FAM184B: variants seen among roughly 807,000 people sequenced by gnomAD.
FAM184B encodes protein FAM184B.
FAM184B carries 111 observed loss-of-function variants against 135.9 expected under a neutral mutation model. The observed-to-expected ratio is 0.82, with a 90% CI of 0.70 to 0.96. The LOEUF is 0.96. FAM184B is among the 40% of genes least tolerant of loss of function. FAM184B has a pLI of 0.00. For missense variants in FAM184B, 1,375 were observed against 1,323.9 expected, an observed-to-expected ratio of 1.04 and a Z score of -0.60; for synonymous variants, 552 against 524.8, an observed-to-expected ratio of 1.05 and a Z score of -0.71.
intron 11 of FAM184B, 54 bp downstream of exon 11, chr4:17,652,776 C>T (rs1046429341): frequency 1.3e-6 from 2 of 1,519,028 alleles, no homozygotes; most frequent in African/African-American, 2.8e-5. Context: ...CTGGTTTCTA[C>T]ATGCAGACCC....
chr4:17,780,428 T>C (rs1719011767), intron 1 of FAM184B, among the ~76,000 whole-genome samples: 1 of 151,752 alleles, frequency 6.6e-6, no homozygotes, highest in South Asian at 2.1e-4. Flanking sequence ...CAGAGGGGAG[T>C]CTGTGACAAG....
chr4:17,770,761 C>T (rs567780269), intron 1 of FAM184B, among the ~76,000 whole-genome samples: 105 of 152,124 alleles, frequency 6.9e-4, no homozygotes, highest in Non-Finnish European at 1.3e-3. Flanking sequence ...CCACCGCGCC[C>T]GGCCAGAACT....
chr4:17,740,172 C>T (rs1364421742), intron 1 of FAM184B, among the ~76,000 whole-genome samples: 1 of 151,624 alleles, frequency 6.6e-6, no homozygotes, highest in African/African-American at 2.4e-5. Context: ...GCCAATATAG[C>T]AAAGCCGCGT....
intron 1 of FAM184B, among the ~76,000 whole-genome samples, chr4:17,726,153 T>C (rs1717634587): frequency 6.6e-6 from 1 of 152,078 alleles, no homozygotes; most frequent in Admixed American, 6.6e-5. Context: ...CTTGATCTCC[T>C]GACCTTGTGA....
chr4:17,643,753 C>T (rs28545485), intron 12 of FAM184B, among the ~76,000 whole-genome samples: 79,567 of 152,152 alleles, frequency 0.52, 23,412 homozygotes, highest in East Asian at 0.88. Flanking sequence ...CCATGTCCCC[C>T]GGTCCTTCAG....
At chr4:17,635,483 A>G (rs376725546) in intron 15 of FAM184B, among the ~76,000 whole-genome samples, 1 of 152,140 alleles carries the variant, frequency 6.6e-6, no homozygotes, top group Non-Finnish European at 1.5e-5. Flanking sequence ...TGTGTTGCCT[A>G]ACATATACAA....
chr4:17,695,799 TTAGA>T (rs1267443910), intron 5 of FAM184B, among the ~76,000 whole-genome samples: 3 of 151,958 alleles, frequency 2.0e-5, no homozygotes, highest in Non-Finnish European at 4.4e-5. Flanking sequence ...AGATGTCTAA[TTAGA>T]TAGATAGAGG....
chr4:17,673,116 G>A (rs557699055), intron 7 of FAM184B, among the ~76,000 whole-genome samples: 2 of 152,196 alleles, frequency 1.3e-5, no homozygotes, highest in African/African-American at 4.8e-5. Context: ...AGTGGGCTAA[G>A]GACATGAATA....
intron 1 of FAM184B, among the ~76,000 whole-genome samples, chr4:17,730,749 C>T (rs766793533): frequency 2.6e-4 from 40 of 152,264 alleles, no homozygotes; most frequent in Non-Finnish European, 4.0e-4. Context: ...ATGACTTTGA[C>T]GAGCTGAGAG....
chr4:17,773,053 T>C (rs1718852283), intron 1 of FAM184B, among the ~76,000 whole-genome samples: 1 of 152,154 alleles, frequency 6.6e-6, no homozygotes, highest in Non-Finnish European at 1.5e-5. Context: ...GGAAGAGACT[T>C]CCCCACCTCC....
chr4:17,766,644 C>T (rs371727339), intron 1 of FAM184B, among the ~76,000 whole-genome samples: 1 of 152,330 alleles, frequency 6.6e-6, no homozygotes, highest in South Asian at 2.1e-4. Context: ...GTTTACAAAC[C>T]TTGAGCTAGA....
At chr4:17,693,257 G>T (rs6449324) in intron 6 of FAM184B, 45 bp downstream of exon 6, 7 of 1,444,970 alleles carry the variant, frequency 4.8e-6, no homozygotes, top group Middle Eastern at 1.7e-4. Context: ...AAGCTCCCAG[G>T]GACCAGAAAC....
chr4:17,669,738 A>G (rs1186596372), intron 7 of FAM184B, among the ~76,000 whole-genome samples: 1 of 152,200 alleles, frequency 6.6e-6, no homozygotes, highest in Non-Finnish European at 1.5e-5. Context: ...AGAAATGGGA[A>G]AATATATAAT....
At chr4:17,655,777 G>C (rs963815641) in intron 10 of FAM184B, among the ~76,000 whole-genome samples, 2 of 152,194 alleles carry the variant, frequency 1.3e-5, no homozygotes, top group Non-Finnish European at 2.9e-5. Context: ...AATGCCTGCA[G>C]AATAGATGAG....
chr4:17,640,356 C>T (rs1215311518), intron 13 of FAM184B, among the ~76,000 whole-genome samples: 5 of 150,612 alleles, frequency 3.3e-5, no homozygotes, highest in South Asian at 2.1e-4. Context: ...TGGTGGTGTC[C>T]GCCTGTAATC....
chr4:17,709,405 C>T lies in FAM184B; in HGVS notation c.381G>A (p.Leu127=), dbSNP rs1289298188. ...EALAESASCR[L]ETKERELRVE... ...CCCTCAGCTCTCTCTCCTTCGTCTC[C>T]AGCCTGCACGAGGCCGACTCAGCCA... The change falls in exon 2 of 18, where the codon CTG becomes CTA. Residue 127 remains leucine (L), a synonymous_variant. Coordinates refer to ENST00000265018, the MANE Select transcript of FAM184B (RefSeq NM_015688.2). The T allele has an allele frequency of 1.3e-6, 2 of 1,520,272 alleles. No homozygotes were observed. Among genetic ancestry groups the T allele is most frequent in the Admixed American group, 2.1e-5 (1 of 47,698 alleles). 94.2% of individuals were successfully genotyped at this position (1,520,272 alleles called of 1,614,324 possible). A position where few individuals can be genotyped will look rare whatever the true frequency, so the allele number is the denominator to read the frequency against.
chr4:17,675,565 C>T (rs545812034), intron 7 of FAM184B, among the ~76,000 whole-genome samples: 4 of 152,296 alleles, frequency 2.6e-5, no homozygotes, highest in African/African-American at 9.6e-5. Context: ...TCCTTTGAAG[C>T]GTTGGAGCCA....
intron 13 of FAM184B, 60 bp downstream of exon 13, chr4:17,641,996 G>A (rs1458600335): frequency 1.4e-6 from 2 of 1,474,174 alleles, no homozygotes; most frequent in African/African-American, 2.9e-5. Flanking sequence ...GTAGGGGGAG[G>A]GGGGGTGGCG....
chr4:17,719,750 A>T (rs537144545), intron 1 of FAM184B, among the ~76,000 whole-genome samples: 1 of 152,296 alleles, frequency 6.6e-6, no homozygotes, highest in South Asian at 2.1e-4. Context: ...CTCTATAACC[A>T]TTGTTACTAA....
Sources: gnomAD v4.1 joint callset for allele counts (sites outside exome capture counted in the v4.1 genomes callset) on GRCh38, gnomAD v4.1.1 for gene constraint, MANE v1.5 for transcripts, NCBI Gene and HGNC (gene_info 2026-07-23, HGNC 2026-07-21) for gene names.